Variants in IQCE observed in about 807,000 individuals in gnomAD.
IQCE encodes the protein IQ domain-containing protein E.
IQCE carries 115 observed loss-of-function variants against 96.0 expected under a neutral mutation model. The ratio of observed to expected loss-of-function variants is 1.20; its 90% confidence interval spans 1.03 to 1.40. The LOEUF is 1.40. IQCE is among the 40% of genes most tolerant of loss of function. IQCE has a pLI of 0.00. For missense variants in IQCE, 1,041 were observed against 909.1 expected (o/e 1.15, Z -1.87); for synonymous variants, 412 against 371.2 (o/e 1.11, Z -1.26).
At chr7:2,598,703 C>A in intron 17 of IQCE, 71 bp downstream of exon 17, 1 of 1,354,778 alleles carries the variant, frequency 7.4e-7, no homozygotes, top group Non-Finnish European at 9.7e-7. Flanking sequence ...CACTCACTCT[C>A]CAGGAATGAC....
At position 2,604,955 on chromosome 7, in the gene IQCE, C is replaced by A; in HGVS notation, c.1707C>A (p.Gly569=). 1 of 1,613,664 alleles carries A rather than the reference C, an allele frequency of 6.2e-7. No homozygotes were observed. ...AGCTCTTAGCAAGCAAAGCACATGG[C>A]TCAGAGCCACCCAGCGTGCCAGGCC... ...RTKLLASKAH[G]SEPPSVPGLP... Residue 569 remains glycine, a synonymous_variant, in exon 19 of 22, where the codon GGC becomes GGA. Transcript: ENST00000402050.
At position 2,568,911 on chromosome 7, in the gene IQCE, GT is replaced by G; in HGVS notation, c.85-42del. Reference sequence around the variant, plus strand: ...TGGTAGGGTCTTGTGATGCACCACTGTGGGAGCTCAGCAAGCCTTATGCCAT... The same window carrying G: ...TGGTAGGGTCTTGTGATGCACCACTGGGGAGCTCAGCAAGCCTTATGCCAT... On this transcript the variant is annotated intron_variant, in intron 2 of 21. Transcript: ENST00000402050. 1.9e-6 allele frequency: 3 copies of G among 1,584,088 alleles called. No homozygotes were observed. The South Asian group carries it at 3.3e-5, about 17-fold the overall frequency.
intron 18 of IQCE, among the ~76,000 whole-genome samples, chr7:2,604,471 T>C (rs1172241357): frequency 1.3e-5 from 2 of 152,224 alleles, no homozygotes; most frequent in African/African-American, 4.8e-5. Context: ...TCAGAGGTCT[T>C]GTGGCCCCTT....
At chr7:2,579,702 T>TG (rs1782506202) in intron 8 of IQCE, among the ~76,000 whole-genome samples, 2 of 19,430 alleles carry the variant, frequency 1.0e-4, no homozygotes, top group Admixed American at 4.7e-4. Context: ...GTTCTGGTGG[T>TG]GTGTGTGTGT....
chr7:2,566,642 A>C (rs1781398085), intron 1 of IQCE: 2 of 169,502 alleles, frequency 1.2e-5, no homozygotes, highest in Admixed American at 1.2e-4. Context: ...TTAAATTTTT[A>C]AGATTTTTTT....
intron 14 of IQCE, among the ~76,000 whole-genome samples, chr7:2,591,764 G>T (rs1783605574): frequency 6.6e-6 from 1 of 152,116 alleles, no homozygotes; most frequent in African/African-American, 2.4e-5. Context: ...GGGATTACAG[G>T]CATGTGCCAC....
Position 2,610,454 on chromosome 7 carries a change from C to T in IQCE, c.*292C>T. 3.1e-6 allele frequency: 1 copy of T among 327,116 alleles called. No homozygotes were observed. The highest frequency in any genetic ancestry group is 5.8e-6 in the Non-Finnish European group (1 of 173,312). The allele number at this position is 327,116 out of a possible 1,614,324, so 20.3% of individuals were successfully genotyped here. ...CCGTGAACTCGCAGATGCCAGGGAGCCCTGTAGTGACACGTTCTCTGACAG... is the reference window on the plus strand; with the variant it reads ...CCGTGAACTCGCAGATGCCAGGGAGTCCTGTAGTGACACGTTCTCTGACAG... On this transcript the variant is annotated 3_prime_UTR_variant, in exon 22 of 22. Transcript: ENST00000402050.
intron 9 of IQCE, 123 bp downstream of exon 9, chr7:2,582,773 A>G: frequency 1.4e-6 from 1 of 735,540 alleles, no homozygotes; most frequent in East Asian, 2.7e-5. Context: ...GCCGAAGGTG[A>G]ATGTTAGCTG....
chr7:2,603,177 T>G (rs1784552642), intron 18 of IQCE, among the ~76,000 whole-genome samples: 1 of 152,066 alleles, frequency 6.6e-6, no homozygotes, highest in Non-Finnish European at 1.5e-5. Context: ...TCCCGAGGTC[T>G]CCAGCATGTC....
chr7:2,573,443 C>T lies in IQCE; in HGVS notation c.420C>T (p.Tyr140=), dbSNP rs747752731. 46 of 1,534,400 alleles carry T rather than the reference C, an allele frequency of 3.0e-5. No individual in the cohort carries two copies. The highest frequency in any genetic ancestry group is 8.1e-6 in the Non-Finnish European group (9 of 1,108,148). ...SNGHVPGTPV[Y]REKEDMYDEI... Reference sequence around the variant, plus strand: ...GTCATGTCCCTGGGACTCCTGTCTACAGAGAAAAAGAAGATATGTATGACG... The same window carrying T: ...GTCATGTCCCTGGGACTCCTGTCTATAGAGAAAAAGAAGATATGTATGACG... The change falls in exon 6 of 22, where the codon TAC becomes TAT. Residue 140 remains tyrosine, a synonymous_variant. Coordinates refer to ENST00000402050, the MANE Select transcript of IQCE (RefSeq NM_152558.5).
At chr7:2,592,765 G>A (rs1453480441) in intron 14 of IQCE, among the ~76,000 whole-genome samples, 1 of 152,228 alleles carries the variant, frequency 6.6e-6, no homozygotes, top group African/African-American at 2.4e-5. Context: ...CTCATTCTAT[G>A]GCCTGATGGC....
At chr7:2,576,766 A>G (rs1165652419) in intron 6 of IQCE, among the ~76,000 whole-genome samples, 1 of 152,160 alleles carries the variant, frequency 6.6e-6, no homozygotes, top group Non-Finnish European at 1.5e-5. Flanking sequence ...GTCCACAGAT[A>G]AAGATTGGGA....
Position 2,604,963 on chromosome 7 carries a change from C to T in IQCE, c.1715C>T (p.Pro572Leu), listed in dbSNP as rs771785689. 1.2e-6 allele frequency: 2 copies of T among 1,613,560 alleles called. No homozygotes were observed. Among genetic ancestry groups the T allele is most frequent in the Non-Finnish European group, 1.7e-6 (2 of 1,179,918 alleles). ...LLASKAHGSE[P>L]PSVPGLPDQS... ...GCAAGCAAAGCACATGGCTCAGAGC[C>T]ACCCAGCGTGCCAGGCCTCCCAGAC... The change falls in exon 19 of 22, where the codon CCA becomes CTA. Residue 572 changes from proline (P) to leucine (L), a missense_variant. Transcript: ENST00000402050.
At chr7:2,581,032 A>G (rs1583437613) in intron 8 of IQCE, among the ~76,000 whole-genome samples, 1 of 151,560 alleles carries the variant, frequency 6.6e-6, no homozygotes, top group East Asian at 2.0e-4. Context: ...TTTAGTAGAG[A>G]CGGGGTTTCA....
At chr7:2,574,441 G>A (rs1436150284) in intron 6 of IQCE, among the ~76,000 whole-genome samples, 1 of 152,248 alleles carries the variant, frequency 6.6e-6, no homozygotes. Flanking sequence ...GGCTGTGTGA[G>A]AAGAACGCTC....
In IQCE at chr7:2,601,461, T is replaced by A; in HGVS notation, c.1629T>A (p.Asp543Glu). The change falls in exon 18 of 22, where the codon GAT (aspartate) becomes GAA (glutamate). Residue 543 changes from aspartate to glutamate, a missense_variant. Physicochemically the swap from Asp to Glu is conservative, Grantham distance 45 (BLOSUM62 2). Coordinates refer to ENST00000402050, the MANE Select transcript of IQCE (RefSeq NM_152558.5). ...TCCAGAAAAAAAAGGCTGTTCTGGA[T>A]GAGGTAAGCGAGGTTTATTTCTTGT... is the stretch of plus-strand genomic sequence containing the variant. Reference protein sequence around the residue: ...YKHKKKKAVLDEAAVVLQAAF... With the variant: ...YKHKKKKAVLEEAAVVLQAAF... The A allele has an allele frequency of 6.3e-7, 1 of 1,579,378 alleles. No homozygotes were observed. Among genetic ancestry groups the A allele is most frequent in the Non-Finnish European group, 8.7e-7 (1 of 1,151,612 alleles).
chr7:2,599,136 T>C (rs1318055935), intron 17 of IQCE, among the ~76,000 whole-genome samples: 1 of 152,210 alleles, frequency 6.6e-6, no homozygotes, highest in African/African-American at 2.4e-5. Flanking sequence ...GTCTCCTTAG[T>C]GTGGTTCACA....
At position 2,610,220 on chromosome 7, in the gene IQCE, G is replaced by A. The variant is rs143379912; in HGVS notation, c.*58G>A. The stretch of plus-strand genomic sequence containing the variant: ...GCGCTGCCGAGGACATAGGAACCAC[G>A]ACTGGAAAGATAATTTATCGTGTTA... On this transcript the variant is annotated 3_prime_UTR_variant, in exon 22 of 22. Coordinates refer to ENST00000402050, the MANE Select transcript of IQCE (RefSeq NM_152558.5). 20 of 964,640 alleles carry A rather than the reference G, an allele frequency of 2.1e-5. No homozygotes were observed. The highest frequency in any genetic ancestry group is 1.4e-4 in the African/African-American group (9 of 62,640). The allele number at this position is 964,640 out of a possible 1,614,324, so 59.8% of individuals were successfully genotyped here.
chr7:2,587,819 C>T lies in IQCE; in HGVS notation c.989-3C>T, dbSNP rs556728648. On this transcript the variant is annotated splice_polypyrimidine_tract_variant and splice_region_variant and intron_variant, in intron 12 of 21. Transcript: ENST00000402050. ...CGTTTTGAAACCGCATTGCTTCCAT[C>T]AGGTTATGTGGAGTGGAGCAAGCCC... 176 of 1,613,854 alleles carry T rather than the reference C, an allele frequency of 1.1e-4. No individual in the cohort carries two copies. Among genetic ancestry groups the T allele is most frequent in the Non-Finnish European group, 1.4e-4 (165 of 1,179,900 alleles).
Sources: gnomAD v4.1 joint callset for allele counts (sites outside exome capture counted in the v4.1 genomes callset) on GRCh38, gnomAD v4.1.1 for gene constraint, MANE v1.5 for transcripts, NCBI Gene and HGNC (gene_info 2026-07-23, HGNC 2026-07-21) for gene names.